Variants in SLC36A1 observed in about 807,000 individuals in gnomAD.
The protein encoded by SLC36A1 is solute carrier family 36 member 1.
SLC36A1 carries 30 observed loss-of-function variants against 47.5 expected under a neutral mutation model. That is an observed-to-expected ratio of 0.63 (90% CI 0.47 to 0.86). SLC36A1 has a LOEUF of 0.86. Among genes scored for constraint, SLC36A1 ranks in the 40% least tolerant of loss-of-function variants. The pLI, the probability that SLC36A1 is intolerant of heterozygous loss-of-function variation, is 0.00. For synonymous variants in SLC36A1, 255 were observed against 249.7 expected (o/e 1.02, Z -0.20); for missense variants, 517 against 606.0 (o/e 0.85, Z 1.54).
At chr5:151,356,760 C>A in the SLC36A1 span, among the ~76,000 whole-genome samples, 1 of 152,168 alleles carries the variant, frequency 6.6e-6, no homozygotes, top group Non-Finnish European at 1.5e-5. Flanking sequence ...AGTTCTCTGC[C>A]ATAAATTCAG....
the SLC36A1 span, chr5:151,553,539 T>A: frequency 1.4e-6 from 1 of 705,734 alleles, no homozygotes; most frequent in Non-Finnish European, 2.4e-6. Flanking sequence ...GAAGGCTTGC[T>A]GTAAACAGGC....
chr5:151,506,735 G>A, the SLC36A1 span, among the ~76,000 whole-genome samples: 64 of 152,340 alleles, frequency 4.2e-4, no homozygotes, highest in Non-Finnish European at 1.5e-5. Context: ...TGAGAAGAAG[G>A]TGATATTCCC....
chr5:151,424,323 G>A, the SLC36A1 span, among the ~76,000 whole-genome samples: 4 of 152,222 alleles, frequency 2.6e-5, no homozygotes, highest in African/African-American at 9.7e-5. Context: ...AGGGATGGGG[G>A]TTTCAGTGAT....
the SLC36A1 span, among the ~76,000 whole-genome samples, chr5:151,405,272 A>C: frequency 2.0e-5 from 3 of 148,402 alleles, no homozygotes; most frequent in African/African-American, 7.5e-5. Context: ...TTGTCTTTCA[A>C]CTCTTGAATT....
the SLC36A1 span, chr5:151,543,410 T>C: frequency 6.2e-7 from 1 of 1,614,004 alleles, no homozygotes. Flanking sequence ...GTGAGGATGA[T>C]CTTCACCGTG....
chr5:151,554,703 A>C, the SLC36A1 span: 1 of 1,564,416 alleles, frequency 6.4e-7, no homozygotes, highest in Non-Finnish European at 8.7e-7. Flanking sequence ...TGAGCACCTG[A>C]GCTGACAATT....
chr5:151,412,360 T>A, the SLC36A1 span, among the ~76,000 whole-genome samples: 1 of 144,920 alleles, frequency 6.9e-6, no homozygotes, highest in Non-Finnish European at 1.5e-5. Flanking sequence ...TAATTCCATA[T>A]ATATGTCAAA....
chr5:151,512,673 C>A, the SLC36A1 span: 1 of 1,380,044 alleles, frequency 7.2e-7, no homozygotes, highest in African/African-American at 1.5e-5. The surrounding 1 kb of genome is among the most constrained non-coding windows in gnomAD (Gnocchi z 4.1). Flanking sequence ...TAAGAGGCTG[C>A]CAGTTCAAAG....
the SLC36A1 span, among the ~76,000 whole-genome samples, chr5:151,373,663 C>G: frequency 1.3e-5 from 2 of 152,114 alleles, no homozygotes; most frequent in Admixed American, 1.3e-4. Flanking sequence ...CAGACAGAAA[C>G]TTACATCTAT....
chr5:151,367,374 T>TTTTTTTTTTTTTTTTTTTC, the SLC36A1 span, among the ~76,000 whole-genome samples: 1,425 of 145,202 alleles, frequency 9.8e-3, 17 homozygotes, highest in Non-Finnish European at 0.016. Flanking sequence ...TTTTTTTTTT[T>TTTTTTTTTTTTTTTTTTTC]CCCCAGGGTA....
At chr5:151,389,802 C>G in the SLC36A1 span, among the ~76,000 whole-genome samples, 1 of 151,986 alleles carries the variant, frequency 6.6e-6, no homozygotes, top group Non-Finnish European at 1.5e-5. Context: ...TTAATCCAGT[C>G]TATCACTGAT....
chr5:151,378,913 G>GT, the SLC36A1 span, among the ~76,000 whole-genome samples: 12 of 152,364 alleles, frequency 7.9e-5, no homozygotes, highest in Middle Eastern at 6.8e-3. Flanking sequence ...AGGCTGGACC[G>GT]TGGAGCCAAT....
At chr5:151,484,146 C>T (rs910232269) in intron 10 of SLC36A1, among the ~76,000 whole-genome samples, 1 of 152,126 alleles carries the variant, frequency 6.6e-6, no homozygotes, top group Admixed American at 6.5e-5. Flanking sequence ...TCTCTGACTC[C>T]ACTTAACTAT....
the SLC36A1 span, among the ~76,000 whole-genome samples, chr5:151,387,780 A>C: frequency 6.6e-6 from 1 of 152,192 alleles, no homozygotes; most frequent in Non-Finnish European, 1.5e-5. Context: ...CTGCCATTTA[A>C]GGACTCTTTG....
At chr5:151,393,315 C>T in the SLC36A1 span, among the ~76,000 whole-genome samples, 75,288 of 151,762 alleles carry the variant, frequency 0.5, 20,662 homozygotes, top group African/African-American at 0.75. Context: ...TGAGATGGGT[C>T]TCCTGAATAC....
the SLC36A1 span, chr5:151,526,024 G>T: frequency 3.3e-6 from 5 of 1,525,672 alleles, no homozygotes; most frequent in Non-Finnish European, 4.5e-6. Context: ...CCTTCCTTTC[G>T]CACGTGTCTG....
chr5:151,537,338 GAAAA>G, the SLC36A1 span, among the ~76,000 whole-genome samples: 1 of 99,926 alleles, frequency 1.0e-5, no homozygotes, highest in Admixed American at 1.1e-4. Flanking sequence ...AGAAAGAAAA[GAAAA>G]GAAAAGAAAA....
At chr5:151,544,868 C>T in the SLC36A1 span, 1 of 1,614,154 alleles carries the variant, frequency 6.2e-7, no homozygotes, top group Admixed American at 1.7e-5. Context: ...AAGAGGACAT[C>T]CCCTGGCTCT....
the SLC36A1 span, chr5:151,543,786 G>A: frequency 6.2e-7 from 1 of 1,614,216 alleles, no homozygotes; most frequent in Non-Finnish European, 8.5e-7. Flanking sequence ...TGTAAGAAGA[G>A]TCCAGGTGCT....
Sources: allele counts gnomAD v4.1 joint callset (sites outside exome capture counted in the v4.1 genomes callset), GRCh38; gene constraint gnomAD v4.1.1; non-coding constraint Gnocchi (gnomAD v3.1); transcripts MANE v1.5; gene names NCBI Gene and HGNC (gene_info 2026-07-23, HGNC 2026-07-21).